TUSC3: variants seen among roughly 807,000 people sequenced by gnomAD.
TUSC3 encodes tumor suppressor candidate 3, also known as dolichyl-diphosphooligosaccharide--protein glycosyltransferase subunit TUSC3.
Under a neutral mutation model 44.8 loss-of-function variants are expected in TUSC3, and 45 were observed. The ratio of observed to expected loss-of-function variants is 1.00; its 90% confidence interval spans 0.79 to 1.29. The LOEUF is 1.29. Among genes scored for constraint, TUSC3 ranks in the 50% most tolerant of loss-of-function variants. The probability of loss-of-function intolerance (pLI) is 0.00; values close to 1 mark genes in which losing one functional copy is unlikely to be tolerated. For missense variants in TUSC3, 519 were observed against 437.9 expected, an observed-to-expected ratio of 1.19 and a Z score of -1.65; for synonymous variants, 212 against 152.9, an observed-to-expected ratio of 1.39 and a Z score of -2.85.
At chr8:15,633,977 T>G (rs1429090) in intron 2 of TUSC3, among the ~76,000 whole-genome samples, 152,165 of 152,298 alleles carry the variant, frequency 1, 76,016 homozygotes, top group East Asian at 1. Flanking sequence ...TCCCTCTGGG[T>G]CAGCTCCCCC....
At chr8:15,823,878 A>G in the TUSC3 span, among the ~76,000 whole-genome samples, 1 of 152,228 alleles carries the variant, frequency 6.6e-6, no homozygotes, top group Non-Finnish European at 1.5e-5. Flanking sequence ...TCTTCCGTAA[A>G]GCATTATTTA....
intron 6 of TUSC3, among the ~76,000 whole-genome samples, chr8:15,718,801 G>A (rs1429362372): frequency 1.3e-5 from 2 of 151,978 alleles, no homozygotes; most frequent in East Asian, 3.9e-4. Context: ...TCAAATATGT[G>A]TTTACTGTGA....
chr8:15,472,654 G>A (rs1442664383), intron 1 of TUSC3, among the ~76,000 whole-genome samples: 2 of 152,052 alleles, frequency 1.3e-5, no homozygotes, highest in African/African-American at 4.8e-5. Context: ...TGGTATTAGG[G>A]CCATTATAAG....
chr8:15,548,158 G>C (rs1312331780), intron 1 of TUSC3, among the ~76,000 whole-genome samples: 1 of 151,400 alleles, frequency 6.6e-6, no homozygotes, highest in Non-Finnish European at 1.5e-5. Flanking sequence ...ATGGTAATTT[G>C]TTATAGCAGC....
At chr8:15,845,755 T>C in the TUSC3 span, among the ~76,000 whole-genome samples, 51,422 of 152,030 alleles carry the variant, frequency 0.34, 10,179 homozygotes, top group African/African-American at 0.54. Flanking sequence ...TCATTTCCAC[T>C]GTGCTTATTT....
chr8:15,806,487 T>C, the TUSC3 span: 2 of 993,896 alleles, frequency 2.0e-6, no homozygotes, highest in Admixed American at 1.7e-5. Flanking sequence ...GTGTCGACTA[T>C]TTCATTGTAA....
chr8:15,493,071 T>C (rs1585064705), intron 2 of TUSC3, among the ~76,000 whole-genome samples: 1 of 151,998 alleles, frequency 6.6e-6, no homozygotes. Context: ...CAGTGCTAGG[T>C]TTTATAATCT....
At position 15,511,699 on chromosome 8, in the gene TUSC3, A is replaced by C. The variant is rs115308053; in HGVS notation, n.189+28216A>C. ...AGCCTGGCCAATATGGTAAAACCCC[A>C]ACTCTTCTAAAAATAAAAGAATTAG... On this transcript the variant is annotated intron_variant and non_coding_transcript_variant, in intron 2 of 5. Coordinates refer to the TUSC3 transcript ENST00000503191. Among the ~76,000 whole-genome samples the C allele has an allele frequency of 5.3e-3, 802 of 152,186 alleles. 4 individuals are homozygous for C. Among genetic ancestry groups the C allele is most frequent in the African/African-American group, 0.016 (667 of 41,538 alleles).
At chr8:15,487,781 A>G (rs1033949992) in intron 2 of TUSC3, among the ~76,000 whole-genome samples, 2 of 152,158 alleles carry the variant, frequency 1.3e-5, no homozygotes, top group Non-Finnish European at 2.9e-5. Flanking sequence ...CCCATGTTAG[A>G]TGTTTCCAAG....
chr8:15,567,165 C>G (rs1231661203), intron 1 of TUSC3, among the ~76,000 whole-genome samples: 1 of 152,114 alleles, frequency 6.6e-6, no homozygotes, highest in Non-Finnish European at 1.5e-5. Context: ...ATTCTTTGAA[C>G]TCTGACATTT....
intron 1 of TUSC3, 114 bp from the exon 2 acceptor site, chr8:15,622,966 A>G (rs1001948502): frequency 9.4e-7 from 1 of 1,064,334 alleles, no homozygotes; most frequent in South Asian, 1.5e-5. Flanking sequence ...TATCTTTTCT[A>G]TAAACTTGGA....
chr8:15,601,120 A>G (rs1804272357), intron 1 of TUSC3, among the ~76,000 whole-genome samples: 2 of 151,782 alleles, frequency 1.3e-5, no homozygotes, highest in South Asian at 4.1e-4. Flanking sequence ...ATCCATAGGT[A>G]GCAAGCTTAA....
intron 2 of TUSC3, among the ~76,000 whole-genome samples, chr8:15,510,463 AAAT>A (rs2129128129): frequency 6.6e-6 from 1 of 151,650 alleles, no homozygotes; most frequent in African/African-American, 2.4e-5. Context: ...TATTATATAT[AAAT>A]GCATGCAGTA....
At chr8:15,488,330 C>CAA (rs796502355) in intron 2 of TUSC3, among the ~76,000 whole-genome samples, 1 of 141,216 alleles carries the variant, frequency 7.1e-6, no homozygotes. Flanking sequence ...CCATCTCTAC[C>CAA]AAAAAAAAAA....
intron 10 of TUSC3, among the ~76,000 whole-genome samples, chr8:15,761,156 AG>A (rs1445116325): frequency 1.3e-5 from 2 of 152,184 alleles, no homozygotes; most frequent in African/African-American, 4.8e-5. Context: ...GTGTTTCTCT[AG>A]AAAAATCTTT....
At chr8:15,740,191 C>T (rs1040621253) in intron 7 of TUSC3, among the ~76,000 whole-genome samples, 5 of 151,976 alleles carry the variant, frequency 3.3e-5, no homozygotes, top group African/African-American at 1.2e-4. Context: ...ACATGGCCAT[C>T]CCAGGGAAAA....
In TUSC3 at chr8:15,514,482, A is replaced by G. The variant is rs977122988; in HGVS notation, n.189+30999A>G. 7.2e-5 allele frequency among the ~76,000 whole-genome samples: 11 copies of G among 152,322 alleles called. No individual in the cohort carries two copies. In the East Asian group the frequency reaches 1.4e-3, roughly 19 times the overall value. On this transcript the variant is annotated intron_variant and non_coding_transcript_variant, in intron 2 of 5. Transcript: ENST00000503191. ...TAAAAAATTTGAAGTATAAAAACCAAAAATAGAAGTTTGTGAAATCTGAAC... is the reference window on the plus strand; with the variant it reads ...TAAAAAATTTGAAGTATAAAAACCAGAAATAGAAGTTTGTGAAATCTGAAC...
At chr8:15,483,472 C>T (rs1175020849) in exon 2 of TUSC3, 1 of 159,360 alleles carries the variant, frequency 6.3e-6, no homozygotes, top group African/African-American at 2.4e-5. Context: ...TCCCAAGTAG[C>T]TGGGATTACA....
chr8:15,787,466 A>G, the TUSC3 span, among the ~76,000 whole-genome samples: 2 of 152,216 alleles, frequency 1.3e-5, no homozygotes, highest in South Asian at 2.1e-4. Context: ...CCTGGAGTGT[A>G]TGTGCATCAG....
Sources: gnomAD v4.1 joint callset for allele counts (sites outside exome capture counted in the v4.1 genomes callset) on GRCh38, gnomAD v4.1.1 for gene constraint, MANE v1.5 for transcripts, NCBI Gene and HGNC (gene_info 2026-07-23, HGNC 2026-07-21) for gene names.